TMEFF1: variants seen among roughly 807,000 people sequenced by gnomAD.
TMEFF1 encodes the protein transmembrane protein with EGF like and two follistatin like domains 1, also known as tomoregulin-1.
In TMEFF1, 20 loss-of-function variants were observed where a neutral mutation model predicts 47.5. The observed-to-expected ratio is 0.42, with a 90% CI of 0.30 to 0.61. The LOEUF (loss-of-function observed/expected upper bound fraction) is 0.61. Among genes scored for constraint, TMEFF1 ranks in the 20% least tolerant of loss-of-function variants. TMEFF1 has a pLI of 0.19. For missense variants in TMEFF1, 411 were observed against 471.1 expected (o/e 0.87, Z 1.18); for synonymous variants, 162 against 166.3 (o/e 0.97, Z 0.20).
chr9:100,562,738 C>A (rs1839041859), intron 8 of TMEFF1, among the ~76,000 whole-genome samples: 1 of 152,104 alleles, frequency 6.6e-6, no homozygotes, highest in South Asian at 2.1e-4. Flanking sequence ...TCACTGCAAC[C>A]TCGGCTTCCC....
At chr9:100,527,458 C>T (rs541583735) in intron 5 of TMEFF1, among the ~76,000 whole-genome samples, 18 of 152,284 alleles carry the variant, frequency 1.2e-4, no homozygotes, top group East Asian at 1.9e-4. Flanking sequence ...TTTCCCTTTC[C>T]GAGTCAAAGA....
intron 7 of TMEFF1, among the ~76,000 whole-genome samples, chr9:100,558,489 A>G (rs973192351): frequency 2.0e-5 from 3 of 151,578 alleles, no homozygotes; most frequent in Non-Finnish European, 4.4e-5. Flanking sequence ...TTGGCTTCTG[A>G]TAAACTATTT....
intron 4 of TMEFF1, among the ~76,000 whole-genome samples, chr9:100,514,348 A>G (rs987135287): frequency 2.0e-5 from 3 of 151,942 alleles, no homozygotes; most frequent in African/African-American, 7.3e-5. Flanking sequence ...CTTTCAAACA[A>G]TAGAATTTGA....
At chr9:100,572,021 C>T (rs2118580534) in intron 8 of TMEFF1, among the ~76,000 whole-genome samples, 2 of 152,268 alleles carry the variant, frequency 1.3e-5, no homozygotes, top group African/African-American at 4.8e-5. Flanking sequence ...GCTTTGCTTA[C>T]TTGCCCACCA....
intron 1 of TMEFF1, among the ~76,000 whole-genome samples, chr9:100,488,725 G>T (rs1367207930): frequency 1.3e-5 from 2 of 152,140 alleles, no homozygotes; most frequent in Non-Finnish European, 2.9e-5. Context: ...GGCATAGGTG[G>T]TAAATTACTA....
intron 5 of TMEFF1, among the ~76,000 whole-genome samples, chr9:100,543,744 CACAA>C (rs1427247243): frequency 3.3e-5 from 5 of 150,750 alleles, no homozygotes; most frequent in Admixed American, 6.6e-5. Context: ...CACACACACA[CACAA>C]ATCTCATAAT....
At chr9:100,553,262 G>A (rs1013605227) in intron 7 of TMEFF1, among the ~76,000 whole-genome samples, 4 of 152,012 alleles carry the variant, frequency 2.6e-5, no homozygotes, top group Non-Finnish European at 5.9e-5. Flanking sequence ...GAGGTTAAAA[G>A]GTAACTCTAT....
At chr9:100,503,925 T>A (rs565286359) in intron 2 of TMEFF1, among the ~76,000 whole-genome samples, 3 of 152,176 alleles carry the variant, frequency 2.0e-5, no homozygotes, top group Non-Finnish European at 4.4e-5. Context: ...TGGGGCCCAG[T>A]CAAGTTGACA....
intron 1 of TMEFF1, among the ~76,000 whole-genome samples, chr9:100,475,623 T>G (rs1837209025): frequency 1.3e-5 from 2 of 152,108 alleles, no homozygotes; most frequent in Admixed American, 1.3e-4. Context: ...TGTGTGTACT[T>G]TCTAACTTGC....
intron 5 of TMEFF1, among the ~76,000 whole-genome samples, chr9:100,522,219 A>C (rs1273576662): frequency 1.3e-5 from 2 of 152,174 alleles, no homozygotes; most frequent in African/African-American, 4.8e-5. Flanking sequence ...CTAATCAGAG[A>C]TGGCAGTAAT....
intron 1 of TMEFF1, among the ~76,000 whole-genome samples, chr9:100,492,294 G>C (rs1215559654): frequency 2.0e-5 from 3 of 152,220 alleles, no homozygotes; most frequent in African/African-American, 7.2e-5. Flanking sequence ...AAATGCAACT[G>C]TAGGTTTTTT....
intron 5 of TMEFF1, among the ~76,000 whole-genome samples, chr9:100,543,306 A>T (rs1380633144): frequency 6.6e-6 from 1 of 152,082 alleles, no homozygotes; most frequent in African/African-American, 2.4e-5. Flanking sequence ...CTGTCTTCTA[A>T]TTCACTAATT....
chr9:100,536,316 T>C (rs1342227354), intron 5 of TMEFF1, among the ~76,000 whole-genome samples: 2 of 152,190 alleles, frequency 1.3e-5, no homozygotes, highest in Non-Finnish European at 2.9e-5. Flanking sequence ...TTGCCTCATA[T>C]TGTAGGGCTC....
chr9:100,511,873 TATAAC>T (rs1265063499), intron 3 of TMEFF1, among the ~76,000 whole-genome samples: 7 of 152,182 alleles, frequency 4.6e-5, no homozygotes, highest in South Asian at 2.1e-4. Context: ...ATTTACAAAA[TATAAC>T]ATACAGGGAG....
At chr9:100,546,267 C>A (rs1283051248) in intron 5 of TMEFF1, among the ~76,000 whole-genome samples, 2 of 152,132 alleles carry the variant, frequency 1.3e-5, no homozygotes, top group Non-Finnish European at 2.9e-5. Context: ...GCCTCACAAT[C>A]ATGGTGGAAG....
At chr9:100,537,844 C>T (rs1838549806) in intron 5 of TMEFF1, among the ~76,000 whole-genome samples, 1 of 152,040 alleles carries the variant, frequency 6.6e-6, no homozygotes, top group South Asian at 2.1e-4. Flanking sequence ...TTCTTTGGTT[C>T]TTTCACCTCT....
At chr9:100,533,255 C>T (rs1238264693) in intron 5 of TMEFF1, among the ~76,000 whole-genome samples, 1 of 151,932 alleles carries the variant, frequency 6.6e-6, no homozygotes, top group East Asian at 1.9e-4. Context: ...AAAAAAATGC[C>T]TGGATCCGAT....
At chr9:100,532,211 C>T (rs1313049115) in intron 5 of TMEFF1, among the ~76,000 whole-genome samples, 26 of 151,888 alleles carry the variant, frequency 1.7e-4, no homozygotes, top group East Asian at 1.2e-3. Flanking sequence ...ACACCAAAAG[C>T]AATGGCAACA....
chr9:100,504,076 T>C (rs1235154040), intron 2 of TMEFF1, among the ~76,000 whole-genome samples: 4 of 152,210 alleles, frequency 2.6e-5, no homozygotes, highest in Non-Finnish European at 5.9e-5. Flanking sequence ...TCTAAACTAC[T>C]TGAAATAGCT....
Sources: gnomAD v4.1 joint callset for allele counts (sites outside exome capture counted in the v4.1 genomes callset) on GRCh38, gnomAD v4.1.1 for gene constraint, MANE v1.5 for transcripts, NCBI Gene and HGNC (gene_info 2026-07-23, HGNC 2026-07-21) for gene names.